MAPKAP1: variants seen among roughly 807,000 people sequenced by gnomAD.
MAPKAP1 encodes the protein target of rapamycin complex 2 subunit MAPKAP1.
A neutral mutation model predicts 65.7 loss-of-function variants in MAPKAP1; 20 were observed. That is an observed-to-expected ratio of 0.30 (90% CI 0.21 to 0.44). The LOEUF is 0.44. Ranked by LOEUF, MAPKAP1 falls within the 20% of genes least tolerant of loss-of-function variation. The probability of loss-of-function intolerance (pLI) is 1.00; values close to 1 mark genes in which losing one functional copy is unlikely to be tolerated. For missense variants in MAPKAP1, 423 were observed against 648.0 expected (o/e 0.65, Z 3.77); for synonymous variants, 222 against 244.3 (o/e 0.91, Z 0.85).
chr9:125,678,972 G>A (rs1318112588), intron 1 of MAPKAP1, among the ~76,000 whole-genome samples: 4 of 150,942 alleles, frequency 2.7e-5, no homozygotes, highest in African/African-American at 9.7e-5. Flanking sequence ...AAAACAAAGA[G>A]GGACAAAGTT....
chr9:125,633,215 T>C (rs1440967871), intron 4 of MAPKAP1, among the ~76,000 whole-genome samples: 1 of 152,186 alleles, frequency 6.6e-6, no homozygotes, highest in African/African-American at 2.4e-5. Flanking sequence ...CCAACAGAGC[T>C]TGGTAGAGGA....
intron 7 of MAPKAP1, among the ~76,000 whole-genome samples, chr9:125,533,817 A>G (rs549450121): frequency 6.6e-6 from 1 of 152,216 alleles, no homozygotes; most frequent in Non-Finnish European, 1.5e-5. Flanking sequence ...CAAGCAATCC[A>G]TATTTAAAAT....
At chr9:125,560,956 G>A (rs1248626448) in intron 5 of MAPKAP1, among the ~76,000 whole-genome samples, 1 of 152,214 alleles carries the variant, frequency 6.6e-6, no homozygotes, top group Non-Finnish European at 1.5e-5. Flanking sequence ...GTGTAAGAGT[G>A]CAATCAATTC....
chr9:125,595,963 CCCA>C lies in MAPKAP1; in HGVS notation c.499-10239_499-10237del. 1 of 1,483,166 alleles carries C rather than the reference CCCA, an allele frequency of 6.7e-7. No individual in the cohort carries two copies. Among genetic ancestry groups the C allele is most frequent in the South Asian group, 1.1e-5 (1 of 88,616 alleles). 91.9% of individuals were successfully genotyped at this position (1,483,166 alleles called of 1,614,324 possible). A position where few individuals can be genotyped will look rare whatever the true frequency, so the allele number is the denominator to read the frequency against. ...AGAGAAGATTCTCAAAGACCAGGTGCCCACTTAACTGTGAAAAAGATATTTGTT... is the reference window on the plus strand; with the variant it reads ...AGAGAAGATTCTCAAAGACCAGGTGCCTTAACTGTGAAAAAGATATTTGTT... On this transcript the variant is annotated intron_variant, in intron 4 of 11. Transcript: ENST00000265960. This position sits in a 1 kb window ranked among gnomAD's most constrained non-coding sequence, Gnocchi z 4.0.
intron 7 of MAPKAP1, among the ~76,000 whole-genome samples, chr9:125,525,158 T>A (rs1469319397): frequency 6.6e-6 from 1 of 152,114 alleles, no homozygotes; most frequent in Non-Finnish European, 1.5e-5. Flanking sequence ...AAATTGTGAG[T>A]CTGACTAGGT....
chr9:125,692,593 A>G (rs932757878), intron 1 of MAPKAP1, among the ~76,000 whole-genome samples: 1 of 152,214 alleles, frequency 6.6e-6, no homozygotes, highest in Non-Finnish European at 1.5e-5. Flanking sequence ...CAACTTTGTG[A>G]ATATCCTAAG....
At chr9:125,592,897 C>A (rs1408278802) in intron 4 of MAPKAP1, among the ~76,000 whole-genome samples, 3 of 105,034 alleles carry the variant, frequency 2.9e-5, no homozygotes, top group South Asian at 6.6e-4. Flanking sequence ...AGCGAGACTC[C>A]GTCTCAAAAA....
intron 7 of MAPKAP1, chr9:125,513,286 T>A (rs1437665297): frequency 6.6e-6 from 1 of 152,186 alleles, no homozygotes; most frequent in African/African-American, 2.4e-5. Context: ...AATTAACCTA[T>A]CATCATCATT....
chr9:125,442,415 G>A (rs1461442193), intron 11 of MAPKAP1, among the ~76,000 whole-genome samples: 1 of 151,934 alleles, frequency 6.6e-6, no homozygotes, highest in African/African-American at 2.4e-5. Flanking sequence ...GTCTCATACT[G>A]AAGTCATAAA....
chr9:125,545,912 ACTTTT>A (rs1465672338), intron 6 of MAPKAP1, among the ~76,000 whole-genome samples: 1 of 152,188 alleles, frequency 6.6e-6, no homozygotes, highest in Non-Finnish European at 1.5e-5. Context: ...TTTTCATTAC[ACTTTT>A]CTTTTGTTAC....
chr9:125,531,129 C>T (rs1016048734), intron 7 of MAPKAP1, among the ~76,000 whole-genome samples: 8 of 152,180 alleles, frequency 5.3e-5, no homozygotes, highest in African/African-American at 1.4e-4. Context: ...AGTCTTGCTG[C>T]CACCCCCAGC....
intron 1 of MAPKAP1, among the ~76,000 whole-genome samples, chr9:125,678,243 A>T (rs1564613656): frequency 6.8e-6 from 1 of 146,134 alleles, no homozygotes; most frequent in East Asian, 3.0e-4. Context: ...ATTTTATTTT[A>T]TTTTTATTTA....
chr9:125,554,979 C>G (rs1253996828), intron 6 of MAPKAP1, among the ~76,000 whole-genome samples: 1 of 152,050 alleles, frequency 6.6e-6, no homozygotes, highest in Non-Finnish European at 1.5e-5. Flanking sequence ...CTCAAGTTGA[C>G]AAGTAAAACA....
In MAPKAP1 at chr9:125,603,920, C is replaced by T. The variant is rs145353243; in HGVS notation, c.499-18193G>A. Reference sequence around the variant, plus strand: ...GCCATTACAGCCATTTACCATTATGCCAAGAAACATTTTATTTTTTTTAAC... The same window carrying T: ...GCCATTACAGCCATTTACCATTATGTCAAGAAACATTTTATTTTTTTTAAC... On this transcript the variant is annotated intron_variant, in intron 4 of 11. Transcript: ENST00000265960. Among the ~76,000 whole-genome samples the T allele has an allele frequency of 3.2e-3, 494 of 152,090 alleles. 5 individuals carry two copies. The highest frequency in any genetic ancestry group is 0.022 in the South Asian group (104 of 4,794).
intron 6 of MAPKAP1, among the ~76,000 whole-genome samples, chr9:125,554,195 G>A (rs1343895484): frequency 2.6e-5 from 4 of 152,134 alleles, no homozygotes; most frequent in Non-Finnish European, 5.9e-5. Flanking sequence ...AGAGAAAAAT[G>A]GTGACAGAAT....
chr9:125,618,854 G>A (rs925461707), intron 4 of MAPKAP1, among the ~76,000 whole-genome samples: 5 of 152,180 alleles, frequency 3.3e-5, no homozygotes, highest in African/African-American at 1.2e-4. Context: ...GTCTTAGGCT[G>A]GGCATGGTGG....
intron 11 of MAPKAP1, among the ~76,000 whole-genome samples, chr9:125,442,849 T>C (rs781636423): frequency 6.6e-6 from 1 of 152,236 alleles, no homozygotes; most frequent in Admixed American, 6.5e-5. Context: ...TTTGCAGCCA[T>C]GGGGAATGTG....
intron 4 of MAPKAP1, among the ~76,000 whole-genome samples, chr9:125,625,188 A>G (rs1468881231): frequency 2.9e-5 from 3 of 102,992 alleles, no homozygotes; most frequent in East Asian, 4.1e-4. Context: ...CTATTGTCCC[A>G]TGACCCTGCC....
At chr9:125,493,739 C>T (rs1423167480) in intron 8 of MAPKAP1, among the ~76,000 whole-genome samples, 9 of 152,248 alleles carry the variant, frequency 5.9e-5, no homozygotes, top group Non-Finnish European at 1.5e-5. Flanking sequence ...CGCATGCCAG[C>T]ACGATGCTCA....
Sources: gnomAD v4.1 joint callset for allele counts (sites outside exome capture counted in the v4.1 genomes callset) on GRCh38, gnomAD v4.1.1 for gene constraint, Gnocchi (gnomAD v3.1) non-coding constraint, MANE v1.5 for transcripts, NCBI Gene and HGNC (gene_info 2026-07-23, HGNC 2026-07-21) for gene names.